Variants in XNDC1N observed in about 807,000 individuals in gnomAD.
XNDC1N encodes protein XNDC1N.
At chr11:71,922,292 TTTTGTTTG>T in the XNDC1N span, among the ~76,000 whole-genome samples, 51 of 152,150 alleles carry the variant, frequency 3.4e-4, 2 homozygotes, top group Admixed American at 2.6e-3. Flanking sequence ...CTAAGGGTTT[TTTTGTTTG>T]TTTGTTTGTT....
the XNDC1N span, among the ~76,000 whole-genome samples, chr11:71,920,505 A>G: frequency 4.0e-5 from 6 of 150,380 alleles, no homozygotes; most frequent in African/African-American, 1.5e-4. Context: ...CGGTTTCTCC[A>G]TGTTGGTCAG....
the XNDC1N span, among the ~76,000 whole-genome samples, chr11:71,912,050 GA>G: frequency 2.6e-5 from 4 of 152,228 alleles, no homozygotes; most frequent in Non-Finnish European, 5.9e-5. Flanking sequence ...GGCTGTGCAA[GA>G]AACCACCCAT....
chr11:71,924,570 C>T, the XNDC1N span, among the ~76,000 whole-genome samples: 6 of 151,854 alleles, frequency 4.0e-5, no homozygotes, highest in East Asian at 5.8e-4. Flanking sequence ...CCCAGCTACT[C>T]GGGAGGCTGA....
the XNDC1N span, among the ~76,000 whole-genome samples, chr11:71,873,654 T>C: frequency 6.6e-6 from 1 of 151,966 alleles, no homozygotes; most frequent in Non-Finnish European, 1.5e-5. Context: ...GAGGTAGAAA[T>C]GAGTTTGAAA....
chr11:71,869,059 A>G, the XNDC1N span, among the ~76,000 whole-genome samples: 2 of 151,444 alleles, frequency 1.3e-5, no homozygotes, highest in Admixed American at 6.6e-5. Flanking sequence ...CTATTTTTTT[A>G]TTATTATTAT....
the XNDC1N span, among the ~76,000 whole-genome samples, chr11:71,879,842 T>C: frequency 2.0e-5 from 3 of 152,198 alleles, no homozygotes; most frequent in African/African-American, 7.2e-5. Context: ...ATAATAAATA[T>C]CTGATCCTTC....
chr11:71,903,692 C>T, the XNDC1N span: 3 of 413,046 alleles, frequency 7.3e-6, no homozygotes, highest in Non-Finnish European at 9.0e-6. Context: ...CTCAGCTGCA[C>T]AACTTGATTG....
chr11:71,912,377 G>A, the XNDC1N span, among the ~76,000 whole-genome samples: 1 of 152,266 alleles, frequency 6.6e-6, no homozygotes, highest in African/African-American at 2.4e-5. Context: ...CAGAAGGGGT[G>A]TAGACACCCT....
chr11:71,869,935 C>A, the XNDC1N span, among the ~76,000 whole-genome samples: 1 of 152,146 alleles, frequency 6.6e-6, no homozygotes, highest in South Asian at 2.1e-4. Context: ...TAAAGACATA[C>A]CAGAGACTGG....
the XNDC1N span, among the ~76,000 whole-genome samples, chr11:71,881,558 T>C: frequency 6.6e-6 from 1 of 152,126 alleles, no homozygotes; most frequent in Non-Finnish European, 1.5e-5. Flanking sequence ...CTGGTGTCTC[T>C]TCCTCTTCTA....
the XNDC1N span, chr11:71,919,146 G>A: frequency 1.6e-6 from 1 of 626,458 alleles, no homozygotes; most frequent in East Asian, 2.7e-5. Context: ...TGATAGAAAA[G>A]GCACCAGATG....
the XNDC1N span, among the ~76,000 whole-genome samples, chr11:71,873,344 C>A: frequency 6.6e-6 from 1 of 152,098 alleles, no homozygotes; most frequent in Non-Finnish European, 1.5e-5. Context: ...ATTTTGTATT[C>A]ATTTTTATGT....
the XNDC1N span, among the ~76,000 whole-genome samples, chr11:71,927,118 C>T: frequency 6.6e-6 from 1 of 151,980 alleles, no homozygotes; most frequent in Non-Finnish European, 1.5e-5. Flanking sequence ...TGTGGTGGCA[C>T]ATGCCTATAG....
the XNDC1N span, among the ~76,000 whole-genome samples, chr11:71,888,775 T>C: frequency 1.3e-5 from 2 of 152,214 alleles, no homozygotes; most frequent in African/African-American, 2.4e-5. Context: ...AAGGACATCA[T>C]TGGCTAACGA....
chr11:71,898,906 A>G, the XNDC1N span, among the ~76,000 whole-genome samples: 1 of 152,128 alleles, frequency 6.6e-6, no homozygotes, highest in African/African-American at 2.4e-5. Context: ...ATATATTTAT[A>G]ATTTTTAATA....
At chr11:71,922,444 C>G in the XNDC1N span, among the ~76,000 whole-genome samples, 2 of 152,200 alleles carry the variant, frequency 1.3e-5, no homozygotes, top group Non-Finnish European at 2.9e-5. Context: ...GCTGGGACCA[C>G]AGGCACATGC....
chr11:71,877,376 C>T, the XNDC1N span, among the ~76,000 whole-genome samples: 1 of 152,176 alleles, frequency 6.6e-6, no homozygotes, highest in Non-Finnish European at 1.5e-5. Context: ...GGTGGCTCAC[C>T]CCTGTAATCC....
At chr11:71,903,548 C>T in the XNDC1N span, 3 of 688,200 alleles carry the variant, frequency 4.4e-6, no homozygotes, top group Non-Finnish European at 8.0e-6. Flanking sequence ...AGTGTGATGG[C>T]CTACGACCAG....
the XNDC1N span, chr11:71,893,463 C>T: frequency 2.8e-6 from 2 of 726,228 alleles, no homozygotes; most frequent in African/African-American, 1.7e-5. Context: ...GTCCAAGACA[C>T]ACAGAGCCAC....
Sources: allele counts gnomAD v4.1 joint callset (sites outside exome capture counted in the v4.1 genomes callset), GRCh38; gene constraint gnomAD v4.1.1; transcripts MANE v1.5; gene names NCBI Gene and HGNC (gene_info 2026-07-23, HGNC 2026-07-21).